LRIF1: variants seen among roughly 807,000 people sequenced by gnomAD.
LRIF1 encodes ligand-dependent nuclear receptor-interacting factor 1.
A neutral mutation model predicts 52.7 loss-of-function variants in LRIF1; 32 were observed. The ratio of observed to expected loss-of-function variants is 0.61; its 90% CI spans 0.46 to 0.82. The LOEUF (loss-of-function observed/expected upper bound fraction) is 0.82. LRIF1 is among the 40% of genes least tolerant of loss of function. The pLI is 0.00. For synonymous variants in LRIF1, 323 were observed against 317.4 expected (o/e 1.02, Z -0.19); for missense variants, 887 against 892.0 (o/e 0.99, Z 0.07).
the LRIF1 span, chr1:110,894,354 C>A: frequency 6.2e-7 from 1 of 1,614,060 alleles, no homozygotes; most frequent in East Asian, 2.2e-5. Context: ...GATTATCCTC[C>A]TTGCTGAGGT....
At chr1:110,943,061 A>AG (rs1337252330), downstream of LRIF1, among the ~76,000 whole-genome samples, 4 of 152,172 alleles carry the variant, frequency 2.6e-5, no homozygotes, top group Admixed American at 6.5e-5. Flanking sequence ...ACGAGGTATG[A>AG]GGAAAAAAAA....
chr1:110,945,994 G>C (rs913487069), downstream of LRIF1, among the ~76,000 whole-genome samples: 1 of 151,870 alleles, frequency 6.6e-6, no homozygotes, highest in African/African-American at 2.4e-5. Flanking sequence ...TACAGTCCTA[G>C]GTATATACCC....
the LRIF1 span, chr1:110,899,130 G>C: frequency 6.2e-7 from 1 of 1,613,552 alleles, no homozygotes; most frequent in Non-Finnish European, 8.5e-7. Context: ...ACAGGTGTTG[G>C]GGATGTCCTT....
chr1:110,889,603 A>T, the LRIF1 span, among the ~76,000 whole-genome samples: 2 of 151,650 alleles, frequency 1.3e-5, no homozygotes, highest in Non-Finnish European at 2.9e-5. Flanking sequence ...CTAAATAATC[A>T]TGGGTTCAAT....
At chr1:110,927,921 TCTTGAATA>T in the LRIF1 span, among the ~76,000 whole-genome samples, 1 of 152,196 alleles carries the variant, frequency 6.6e-6, no homozygotes, top group African/African-American at 2.4e-5. Flanking sequence ...TTTTCTGAGT[TCTTGAATA>T]CTTGAAAATA....
the LRIF1 span, among the ~76,000 whole-genome samples, chr1:110,926,359 A>G: frequency 6.6e-6 from 1 of 152,032 alleles, no homozygotes; most frequent in Non-Finnish European, 1.5e-5. Flanking sequence ...ATGGTGGTAT[A>G]TTCATACAAT....
the LRIF1 span, among the ~76,000 whole-genome samples, chr1:110,897,116 C>G: frequency 1.3e-5 from 2 of 152,172 alleles, no homozygotes; most frequent in Admixed American, 1.3e-4. Context: ...GCTCTTCTTC[C>G]TTGGAGATGG....
At chr1:110,910,336 C>T in the LRIF1 span, among the ~76,000 whole-genome samples, 3 of 151,010 alleles carry the variant, frequency 2.0e-5, no homozygotes, top group East Asian at 3.9e-4. Flanking sequence ...CAGTGGCTCA[C>T]GCATGTAATC....
the LRIF1 span, among the ~76,000 whole-genome samples, chr1:110,890,190 C>G: frequency 6.6e-6 from 1 of 152,062 alleles, no homozygotes; most frequent in Non-Finnish European, 1.5e-5. Flanking sequence ...AATCACTGCC[C>G]CAACATTCTG....
At chr1:110,892,450 G>T in the LRIF1 span, 32 of 1,613,974 alleles carry the variant, frequency 2.0e-5, 1 homozygote, top group South Asian at 7.7e-5. Flanking sequence ...CAATGTGTTT[G>T]TCATCGTGGG....
At chr1:110,929,245 T>C in the LRIF1 span, among the ~76,000 whole-genome samples, 1 of 152,230 alleles carries the variant, frequency 6.6e-6, no homozygotes, top group Admixed American at 6.5e-5. Context: ...TGTGTCTTTA[T>C]GATAGAATGA....
the LRIF1 span, chr1:110,899,102 AT>A: frequency 6.2e-7 from 1 of 1,608,200 alleles, no homozygotes; most frequent in East Asian, 2.2e-5. Context: ...AAGACTTCAA[AT>A]TTTCCCAACT....
At chr1:110,914,068 G>C in the LRIF1 span, among the ~76,000 whole-genome samples, 1 of 152,022 alleles carries the variant, frequency 6.6e-6, no homozygotes, top group South Asian at 2.1e-4. Context: ...ACAAAATATT[G>C]CATGTTCTCA....
the LRIF1 span, among the ~76,000 whole-genome samples, chr1:110,901,152 TTTTTTTTGTTTG>T: frequency 1.6e-4 from 4 of 24,782 alleles, no homozygotes; most frequent in Admixed American, 2.3e-3. Context: ...CTCTCTCTGT[TTTTTTTTGTTTG>T]TTTTTTGTTT....
At chr1:110,903,950 T>C in the LRIF1 span, among the ~76,000 whole-genome samples, 2 of 152,166 alleles carry the variant, frequency 1.3e-5, no homozygotes, top group Non-Finnish European at 2.9e-5. Context: ...AGCTGACTTA[T>C]GAGTACTTGG....
At chr1:110,897,777 G>C in the LRIF1 span, 1 of 1,289,264 alleles carries the variant, frequency 7.8e-7, no homozygotes, top group East Asian at 2.3e-5. Context: ...GAATTATAGA[G>C]TAGTATCATT....
At chr1:110,892,195 C>T in the LRIF1 span, 1 of 685,288 alleles carries the variant, frequency 1.5e-6, no homozygotes, top group South Asian at 1.7e-5. Context: ...CCAATGTAAG[C>T]ATGGAAAAGT....
At chr1:110,909,475 A>G in the LRIF1 span, among the ~76,000 whole-genome samples, 1 of 152,170 alleles carries the variant, frequency 6.6e-6, no homozygotes, top group Admixed American at 6.5e-5. Context: ...ACTGTCCTCA[A>G]GAGAGTCATC....
chr1:110,903,092 G>A, the LRIF1 span, among the ~76,000 whole-genome samples: 1 of 152,108 alleles, frequency 6.6e-6, no homozygotes, highest in Non-Finnish European at 1.5e-5. Context: ...CTAACCAGAG[G>A]GAAATCGCCA....
Sources: gnomAD v4.1 joint callset for allele counts (sites outside exome capture counted in the v4.1 genomes callset) on GRCh38, gnomAD v4.1.1 for gene constraint, MANE v1.5 for transcripts, NCBI Gene and HGNC (gene_info 2026-07-23, HGNC 2026-07-21) for gene names.